Variants in DNAH2 observed in about 807,000 individuals in gnomAD.
DNAH2 encodes the protein axonemal beta dynein heavy chain 2.
In DNAH2, 323 loss-of-function variants were observed where a neutral mutation model predicts 523.5. The ratio of observed to expected loss-of-function variants is 0.62; its 90% CI spans 0.56 to 0.68. The LOEUF is 0.68. Among genes scored for constraint, DNAH2 ranks in the 30% least tolerant of loss-of-function variants. The pLI is 0.00. For synonymous variants in DNAH2, 2,093 were observed against 2,177.4 expected (o/e 0.96, Z 1.08); for missense variants, 4,907 against 5,701.5 (o/e 0.86, Z 4.49).
chr17:7,830,570 C>T (rs1484574421), intron 78 of DNAH2, 79 bp downstream of exon 78: 23 of 1,605,092 alleles, frequency 1.4e-5, no homozygotes, highest in East Asian at 2.2e-5. Flanking sequence ...TGGGAATATC[C>T]GTGGACACAA....
chr17:7,751,395 G>A (rs548381532), intron 12 of DNAH2, among the ~76,000 whole-genome samples: 1 of 152,070 alleles, frequency 6.6e-6, no homozygotes, highest in South Asian at 2.1e-4. Context: ...ACCAGGCCAA[G>A]ATTTTTTTTT....
At chr17:7,788,803 A>G (rs1179884879) in intron 44 of DNAH2, among the ~76,000 whole-genome samples, 1 of 152,242 alleles carries the variant, frequency 6.6e-6, no homozygotes, top group Non-Finnish European at 1.5e-5. Context: ...TAAACTATTA[A>G]TATGTCATCA....
intron 50 of DNAH2, among the ~76,000 whole-genome samples, chr17:7,796,949 A>AAAAT (rs2077081607): frequency 6.7e-6 from 1 of 149,598 alleles, no homozygotes; most frequent in Admixed American, 6.7e-5. Context: ...AAAAAAAAAA[A>AAAAT]AAATTAGCTG....
chr17:7,727,053 A>G, intron 3 of DNAH2, 69 bp from the exon 4 acceptor site: 1 of 1,459,682 alleles, frequency 6.9e-7, no homozygotes, highest in Admixed American at 2.7e-5. Context: ...CTCACTTGTG[A>G]TTGTGGATGG....
intron 79 of DNAH2, 51 bp downstream of exon 79, chr17:7,830,893 G>C (rs367811420): frequency 6.2e-7 from 1 of 1,608,566 alleles, no homozygotes; most frequent in East Asian, 2.2e-5. Context: ...AAGTCAGCCA[G>C]GTGGTGGGAT....
chr17:7,801,079 C>T (rs1196991462), intron 56 of DNAH2, among the ~76,000 whole-genome samples: 1 of 151,670 alleles, frequency 6.6e-6, no homozygotes, highest in Non-Finnish European at 1.5e-5. Context: ...CGCCATGTTG[C>T]CTAGGATGGT....
chr17:7,761,526 CAG>C (rs1440812487), intron 18 of DNAH2, among the ~76,000 whole-genome samples: 2 of 148,356 alleles, frequency 1.3e-5, no homozygotes, highest in Non-Finnish European at 3.0e-5. Context: ...TTTTTTGAGA[CAG>C]AGTCTCACTC....
intron 15 of DNAH2, 135 bp downstream of exon 15, chr17:7,759,259 G>T: frequency 6.9e-7 from 1 of 1,449,520 alleles, no homozygotes; most frequent in East Asian, 2.4e-5. Context: ...CTCTAGTCTT[G>T]GACTCAGCCA....
intron 2 of DNAH2, among the ~76,000 whole-genome samples, chr17:7,722,187 C>G (rs1052202011): frequency 1.4e-5 from 2 of 144,396 alleles, no homozygotes; most frequent in African/African-American, 5.1e-5. Context: ...TTTATAGAGA[C>G]GGGGGGGGGG....
At position 7,754,680 on chromosome 17, in the gene DNAH2, A is replaced by G. The variant is rs561224787; in HGVS notation, c.1905-2411A>G. 21 of 1,269,832 alleles carry G rather than the reference A, an allele frequency of 1.7e-5. No homozygotes were observed. In the South Asian group the frequency reaches 2.5e-4, roughly 15 times the overall value. 78.7% of individuals were successfully genotyped at this position (1,269,832 alleles called of 1,614,324 possible). A position where few individuals can be genotyped will look rare whatever the true frequency, so the allele number is the denominator to read the frequency against. ...CCATAAACTTGATCGACTTGCCTAC[A>G]TTGCCCACCCCAACCTTGGGAAGCT... On this transcript the variant is annotated intron_variant, in intron 12 of 85. Coordinates refer to ENST00000572933, the MANE Select transcript of DNAH2 (RefSeq NM_020877.5). This position sits in a 1 kb window ranked among gnomAD's most constrained non-coding sequence, Gnocchi z 4.6.
chr17:7,766,247 A>G (rs900215568), intron 21 of DNAH2, 71 bp from the exon 22 acceptor site: 45 of 1,534,788 alleles, frequency 2.9e-5, no homozygotes, highest in Non-Finnish European at 4.0e-5. Flanking sequence ...GCCCACAAAG[A>G]GATAGGAGAG....
chr17:7,804,227 T>C (rs752024253), intron 58 of DNAH2, 29 bp from the exon 59 acceptor site: 2 of 1,612,446 alleles, frequency 1.2e-6, no homozygotes, highest in South Asian at 1.1e-5. Flanking sequence ...GCCCCGCCTC[T>C]CCACACCCTG....
Position 7,809,978 on chromosome 17 carries a change from C to T in DNAH2, c.9729+2392C>T, listed in dbSNP as rs540074016. On this transcript the variant is annotated intron_variant, in intron 63 of 85. Coordinates refer to ENST00000572933, the MANE Select transcript of DNAH2 (RefSeq NM_020877.5). ...TGTTGGGATTACAGGTGTGAGCCAC[C>T]GTGCCCCGAAATGTACCTTCCTTTC... Among the ~76,000 whole-genome samples, 175 of 151,982 alleles carry T rather than the reference C, an allele frequency of 1.2e-3. 2 individuals are homozygous for T. The South Asian group carries it at 0.02, about 17-fold the overall frequency.
intron 12 of DNAH2, among the ~76,000 whole-genome samples, chr17:7,749,308 C>CAAACAAAAAA (rs2075609120): frequency 5.6e-5 from 1 of 17,766 alleles, no homozygotes; most frequent in Admixed American, 9.3e-4. Context: ...AACTCCCCCC[C>CAAACAAAAAA]AAAAAAAAAA....
At chr17:7,764,598 A>T (rs971008689) in intron 20 of DNAH2, among the ~76,000 whole-genome samples, 1 of 150,516 alleles carries the variant, frequency 6.6e-6, no homozygotes, top group Non-Finnish European at 1.5e-5. Flanking sequence ...GTAGCTGGGA[A>T]CACAGGCACA....
intron 68 of DNAH2, 79 bp from the exon 69 acceptor site, chr17:7,818,233 C>G: frequency 1.9e-6 from 3 of 1,597,834 alleles, no homozygotes; most frequent in South Asian, 1.1e-5. Flanking sequence ...TGAGTCGCTG[C>G]CCCTGGATGC....
In DNAH2 at chr17:7,818,437, G is replaced by T. The variant is rs142526104; in HGVS notation, c.10513G>T (p.Val3505Phe). ...SPETSAKTTI[V>F]NFAVKEQGLE... is the part of the protein sequence containing the mutation. ...AGAGACCTCAGCCAAGACCACCATC[G>T]TCAACTTTGCTGTTAAAGAACAGGT... The change falls in exon 69 of 86, where the codon GTC becomes TTC. Residue 3505 changes from valine to phenylalanine, a missense_variant. By Grantham distance (50) the Val-to-Phe change is conservative. This residue lies in a region of DNAH2 where 1,851 missense variants were observed against 2,139.4 expected (regional missense o/e 0.87). Coordinates refer to ENST00000572933, the MANE Select transcript of DNAH2 (RefSeq NM_020877.5). 1.2e-6 allele frequency: 2 copies of T among 1,614,052 alleles called. No individual in the cohort carries two copies. The highest frequency in any genetic ancestry group is 1.6e-4 in the Middle Eastern group (1 of 6,082).
chr17:7,783,483 C>CT (rs1285237136), intron 39 of DNAH2, among the ~76,000 whole-genome samples: 5 of 152,136 alleles, frequency 3.3e-5, no homozygotes, highest in Non-Finnish European at 7.3e-5. Flanking sequence ...ACATTAAAAA[C>CT]TAAGCAAACA....
rs146035380 is a variant in DNAH2, at chr17:7,752,160, T to TACACACACTCACACACACACACACAC, written c.1905-4923_1905-4922insTCACACACACACACACACACACACAC. 5.9e-4 allele frequency among the ~76,000 whole-genome samples: 74 copies of TACACACACTCACACACACACACACAC among 125,038 alleles called. 1 individual carries two copies. Among genetic ancestry groups the TACACACACTCACACACACACACACAC allele is most frequent in the South Asian group, 1.3e-3 (4 of 3,200 alleles). 82.0% of individuals were successfully genotyped at this position (125,038 alleles called of 152,430 possible). ...CCTGCCTTTTCCCCTTAAGTCATTT[T>TACACACACTCACACACACACACACAC]ACACACACACACACACACACACACA... On this transcript the variant is annotated intron_variant, in intron 12 of 85. Transcript: ENST00000572933.
Sources: allele counts gnomAD v4.1 joint callset (sites outside exome capture counted in the v4.1 genomes callset), GRCh38; gene constraint gnomAD v4.1.1; regional missense constraint gnomAD v4.1.1; non-coding constraint Gnocchi (gnomAD v3.1); transcripts MANE v1.5; gene names NCBI Gene and HGNC (gene_info 2026-07-23, HGNC 2026-07-21).